Variants in NOP53 observed in about 807,000 individuals in gnomAD.
The protein encoded by NOP53 is ribosome biogenesis protein NOP53.
NOP53 carries 40 observed loss-of-function variants against 61.0 expected under a neutral mutation model. The ratio of observed to expected loss-of-function variants is 0.66; its 90% CI spans 0.51 to 0.85. NOP53 has a LOEUF of 0.85. Ranked by LOEUF, NOP53 falls within the 40% of genes least tolerant of loss-of-function variation. NOP53 has a pLI of 0.00. For synonymous variants in NOP53, 308 were observed against 289.5 expected (o/e 1.06, Z -0.65); for missense variants, 689 against 652.9 (o/e 1.06, Z -0.60).
intron 1 of NOP53, chr19:47,746,130 A>ATG (rs1967060878): frequency 3.5e-6 from 1 of 286,062 alleles, no homozygotes. Flanking sequence ...ATGTGTGTGT[A>ATG]TATATATGTG....
chr19:47,750,773 G>C (rs1967114294), intron 3 of NOP53, 135 bp from the exon 4 acceptor site: 1 of 717,522 alleles, frequency 1.4e-6, no homozygotes, highest in Admixed American at 2.3e-5. Flanking sequence ...TCTGAAGAGG[G>C]GGCGGAGTGC....
At position 47,750,134 on chromosome 19, in the gene NOP53, TG is replaced by T. The variant is rs368070476; in HGVS notation, c.290-41del. ...GAATAGGGTGGGTGGTCTTTGGCAGTGGGTAGGGCTGAGGCCTTGACTTGTT... is the reference window on the plus strand; with the variant it reads ...GAATAGGGTGGGTGGTCTTTGGCAGTGGTAGGGCTGAGGCCTTGACTTGTT... On this transcript the variant is annotated intron_variant, in intron 2 of 12. Coordinates refer to ENST00000246802, the MANE Select transcript of NOP53 (RefSeq NM_015710.5). 2.6e-5 allele frequency: 33 copies of T among 1,260,828 alleles called. 1 individual carries two copies. The African/African-American group carries it at 2.8e-4, about 11-fold the overall frequency. 78.1% of individuals were successfully genotyped at this position (1,260,828 alleles called of 1,614,324 possible).
Position 47,754,857 on chromosome 19 carries a change from AGCAGCGGCGGCGG to A in NOP53, c.1021_1033del (p.Gln341ArgfsTer36), listed in dbSNP as rs762454632. 12 of 1,534,264 alleles carry A rather than the reference AGCAGCGGCGGCGG, an allele frequency of 7.8e-6. No homozygotes were observed. The highest frequency in any genetic ancestry group is 8.7e-6 in the Non-Finnish European group (10 of 1,150,098). On this transcript the variant is annotated frameshift_variant, in exon 8 of 13. Coordinates refer to ENST00000246802, the MANE Select transcript of NOP53 (RefSeq NM_015710.5). LOFTEE classifies it high-confidence loss of function. This position sits in a 1 kb window ranked among gnomAD's most constrained non-coding sequence, Gnocchi z 4.2. ...GCCACCACAGAGAAGAAGACGGAGCAGCAGCGGCGGCGGGAGAAGGCTGTGCACAGGCTGGTGA... is the reference window on the plus strand; with the variant it reads ...GCCACCACAGAGAAGAAGACGGAGCAGAGAAGGCTGTGCACAGGCTGGTGA...
intron 2 of NOP53, among the ~76,000 whole-genome samples, chr19:47,747,262 C>G (rs1285371100): frequency 6.6e-6 from 1 of 152,102 alleles, no homozygotes; most frequent in Non-Finnish European, 1.5e-5. Flanking sequence ...CACAGATAAG[C>G]TGCTGGGAGT....
At chr19:47,751,708 C>A in intron 5 of NOP53, 118 bp downstream of exon 5, 1 of 799,680 alleles carries the variant, frequency 1.3e-6, no homozygotes, top group Non-Finnish European at 2.1e-6. Flanking sequence ...GCCGAGAACT[C>A]TGTGCTGGAG....
At position 47,752,506 on chromosome 19, in the gene NOP53, C is replaced by G; in HGVS notation, c.670-6C>G. On this transcript the variant is annotated splice_region_variant and splice_polypyrimidine_tract_variant and intron_variant, in intron 5 of 12. Coordinates refer to ENST00000246802, the MANE Select transcript of NOP53 (RefSeq NM_015710.5). The stretch of plus-strand genomic sequence containing the variant: ...GCCTTACCCTGCCTCGGCCTTTTCT[C>G]CACAGCGGCCAGCACGCCTGCACAC... The G allele has an allele frequency of 6.3e-7, 1 of 1,588,210 alleles. No homozygotes were observed. The highest frequency in any genetic ancestry group is 1.3e-5 in the African/African-American group (1 of 74,868).
chr19:47,754,420 G>A lies in NOP53; in HGVS notation c.766-107G>A, dbSNP rs1967161309. Reference sequence around the variant, plus strand: ...GGGTGTGGGGAGGAAAGCCTGGGCCGGGGCGGGATCCACGGGCACTGGATG... The same window carrying A: ...GGGTGTGGGGAGGAAAGCCTGGGCCAGGGCGGGATCCACGGGCACTGGATG... On this transcript the variant is annotated intron_variant, in intron 6 of 12. Transcript: ENST00000246802. This position sits in a 1 kb window ranked among gnomAD's most constrained non-coding sequence, Gnocchi z 4.2. The A allele has an allele frequency of 3.5e-6, 3 of 857,218 alleles. No individual in the cohort carries two copies. The highest frequency in any genetic ancestry group is 3.2e-5 in the South Asian group (2 of 62,456). 53.1% of individuals were successfully genotyped at this position (857,218 alleles called of 1,614,324 possible).
chr19:47,752,420 G>T, intron 5 of NOP53, 92 bp from the exon 6 acceptor site: 1 of 780,196 alleles, frequency 1.3e-6, no homozygotes. Flanking sequence ...CCAACCACTG[G>T]CAAGGCCTGG....
chr19:47,753,342 C>G (rs1325611197), intron 6 of NOP53: 1 of 152,696 alleles, frequency 6.5e-6, no homozygotes, highest in Non-Finnish European at 1.5e-5. Context: ...GCTTGGGAGG[C>G]TGAGGTGGGA....
chr19:47,752,673 T>G, intron 6 of NOP53, 66 bp downstream of exon 6: 1 of 981,598 alleles, frequency 1.0e-6, no homozygotes, highest in Non-Finnish European at 1.6e-6. Flanking sequence ...CTTCACTAGC[T>G]TCCTCCCTGT....
chr19:47,750,175 T>C lies in NOP53; in HGVS notation c.290-3T>C. 3.1e-6 allele frequency: 5 copies of C among 1,596,544 alleles called. No homozygotes were observed. Among genetic ancestry groups the C allele is most frequent in the Non-Finnish European group, 4.3e-6 (5 of 1,164,302 alleles). The stretch of plus-strand genomic sequence containing the variant: ...CTTGACTTGTTCTCTTTCCCATTCT[T>C]AGGGCTGACAAAGAAGAGAACCAAA... On this transcript the variant is annotated splice_region_variant and splice_polypyrimidine_tract_variant and intron_variant, in intron 2 of 12. Coordinates refer to ENST00000246802, the MANE Select transcript of NOP53 (RefSeq NM_015710.5).
intron 6 of NOP53, chr19:47,753,171 C>T (rs11083892): frequency 0.46 from 70,536 of 152,808 alleles, 18,551 homozygotes; most frequent in South Asian, 0.65. Flanking sequence ...TGGCCGGGTG[C>T]GGTGCCTCAC....
Position 47,751,529 on chromosome 19 carries a change from A to C in NOP53, c.608A>C (p.Asp203Ala). The change falls in exon 5 of 13, where the codon GAC (aspartate) becomes GCC (alanine). Residue 203 changes from aspartate (D) to alanine (A), a missense_variant. Asp to Ala is a moderately radical substitution (Grantham distance 126). Transcript: ENST00000246802. ...YDLWASDNPL[D>A]RPLVGQDEFF... ...CTCGCTGTATCCACAGACCCCCTGG[A>C]CAGGCCGTTGGTTGGCCAGGATGAG... 1 of 1,613,688 alleles carries C rather than the reference A, an allele frequency of 6.2e-7. No homozygotes were observed. The highest frequency in any genetic ancestry group is 1.3e-5 in the African/African-American group (1 of 74,966).
At position 47,751,868 on chromosome 19, in the gene NOP53, G is replaced by A. The variant is rs535001145; in HGVS notation, c.669+278G>A. Among the ~76,000 whole-genome samples the A allele has an allele frequency of 3.7e-4, 56 of 152,176 alleles. 1 individual carries two copies. The highest frequency in any genetic ancestry group is 5.9e-4 in the Admixed American group (9 of 15,276). ...TGTAATCCCAGCACTTCGGGAGGCC[G>A]AGACAGGTGGATCACCTGAGGTCGG... On this transcript the variant is annotated intron_variant, in intron 5 of 12. Transcript: ENST00000246802.
intron 8 of NOP53, 46 bp from the exon 9 acceptor site, chr19:47,755,302 T>C (rs565869598): frequency 7.6e-7 from 1 of 1,307,698 alleles, no homozygotes. Context: ...GGTCTCCCTG[T>C]GTGGGCAGCA....
intron 8 of NOP53, 133 bp downstream of exon 8, chr19:47,755,024 T>C (rs1967172741): frequency 1.2e-6 from 1 of 848,372 alleles, no homozygotes; most frequent in East Asian, 2.9e-5. Context: ...TGGTTTGGGC[T>C]GTTTGGGATC....
At position 47,745,688 on chromosome 19, in the gene NOP53, TAAG is replaced by T. The variant is rs1967052385; in HGVS notation, c.133_135del (p.Lys45del). 2 of 1,612,744 alleles carry T rather than the reference TAAG, an allele frequency of 1.2e-6. No individual in the cohort carries two copies. The highest frequency in any genetic ancestry group is 1.1e-5 in the South Asian group (1 of 91,032). ...GGCGGCGGCGGCGAGGCCCAAGAAA[TAAG>T]AAGCGGGGCTGGCGGCGGCTTGCTC... On this transcript the variant is annotated inframe_deletion, in exon 1 of 13. Transcript: ENST00000246802.
Position 47,750,986 on chromosome 19 carries a change from C to T in NOP53, c.477C>T (p.Gly159=), listed in dbSNP as rs773436143. 17 of 1,595,254 alleles carry T rather than the reference C, an allele frequency of 1.1e-5. 1 individual carries two copies. Among genetic ancestry groups the T allele is most frequent in the Middle Eastern group, 1.7e-4 (1 of 5,772 alleles). Residue 159 remains glycine, a synonymous_variant, in exon 4 of 13, where the codon GGC becomes GGT. Coordinates refer to ENST00000246802, the MANE Select transcript of NOP53 (RefSeq NM_015710.5). ...EQLWEKLAKQ[G]ELPREVRRAQ... Reference sequence around the variant, plus strand: ...TATGGGAGAAGCTGGCCAAGCAGGGCGAGCTGCCCCGGGAGGTGCGCAGGG... The same window carrying T: ...TATGGGAGAAGCTGGCCAAGCAGGGTGAGCTGCCCCGGGAGGTGCGCAGGG...
At position 47,745,576 on chromosome 19, in the gene NOP53, G is replaced by A. The variant is rs762122920; in HGVS notation, c.17G>A (p.Ser6Asn). ...TTTGACAAGATGGCGGCAGGAGGCA[G>A]TGGCGTTGGTGGGAAGCGCAGCTCG... MAAGG[S>N]GVGGKRSSKS... is the part of the protein sequence containing the mutation. Residue 6 changes from serine to asparagine, a missense_variant, in exon 1 of 13, where the codon AGT becomes AAT. By Grantham distance (46) the Ser-to-Asn change is conservative (BLOSUM62 1). Coordinates refer to ENST00000246802, the MANE Select transcript of NOP53 (RefSeq NM_015710.5). 25 of 1,613,914 alleles carry A rather than the reference G, an allele frequency of 1.5e-5. No homozygotes were observed. The highest frequency in any genetic ancestry group is 2.7e-5 in the African/African-American group (2 of 75,062).
Sources: gnomAD v4.1 joint callset for allele counts (sites outside exome capture counted in the v4.1 genomes callset) on GRCh38, gnomAD v4.1.1 for gene constraint, Gnocchi (gnomAD v3.1) non-coding constraint, MANE v1.5 for transcripts, NCBI Gene and HGNC (gene_info 2026-07-23, HGNC 2026-07-21) for gene names.